The following RORA variants were observed in gnomAD, a reference collection of about 807,000 sequenced individuals.
RORA encodes RAR related orphan receptor A, also known as nuclear receptor ROR-alpha.
RORA carries 7 observed loss-of-function variants against 69.5 expected under a neutral mutation model. That is an observed-to-expected ratio of 0.10 (90% confidence interval 0.06 to 0.19). RORA has a LOEUF of 0.19. Among genes scored for constraint, RORA ranks in the 10% least tolerant of loss-of-function variants. The pLI is 1.00. For missense variants in RORA, 457 were observed against 663.0 expected, an observed-to-expected ratio of 0.69 and a Z score of 3.41; for synonymous variants, 261 against 240.8, an observed-to-expected ratio of 1.08 and a Z score of -0.78.
At chr15:60,731,500 A>C (rs1364377540) in intron 1 of RORA, among the ~76,000 whole-genome samples, 1 of 152,220 alleles carries the variant, frequency 6.6e-6, no homozygotes, top group Non-Finnish European at 1.5e-5. Flanking sequence ...AAAAAGTCAA[A>C]ACAGCAAGGA....
intron 1 of RORA, among the ~76,000 whole-genome samples, chr15:60,800,748 C>T (rs2072568113): frequency 6.6e-6 from 1 of 152,118 alleles, no homozygotes; most frequent in Admixed American, 6.5e-5. Context: ...CCTATTTATC[C>T]TCCAGGACCC....
At position 61,153,075 on chromosome 15, in the gene RORA, A is replaced by G. The variant is rs150372004; in HGVS notation, c.166+75978T>C. Among the ~76,000 whole-genome samples, 719 of 152,204 alleles carry G rather than the reference A, an allele frequency of 4.7e-3. 19 individuals carry two copies. The highest frequency in any genetic ancestry group is 0.04 in the Admixed American group (608 of 15,286). ...GGGGGAAAAGGTGTCCTGATTGATA[A>G]TCCTATCAGAAAAAAAGTCACGAGA... On this transcript the variant is annotated intron_variant, in intron 1 of 10. Transcript: ENST00000335670.
intron 2 of RORA, chr15:60,614,893 C>G: frequency 6.2e-7 from 1 of 1,611,378 alleles, no homozygotes; most frequent in Non-Finnish European, 8.5e-7. Flanking sequence ...AAATAACGCA[C>G]CTTTTCTCAA....
chr15:61,111,556 G>A (rs192585133), intron 1 of RORA, among the ~76,000 whole-genome samples: 1 of 152,030 alleles, frequency 6.6e-6, no homozygotes, highest in African/African-American at 2.4e-5. Context: ...TCTCTAATTT[G>A]CAATTATTCA....
chr15:60,784,167 T>A (rs376056886), intron 1 of RORA, among the ~76,000 whole-genome samples: 1 of 152,216 alleles, frequency 6.6e-6, no homozygotes, highest in East Asian at 1.9e-4. Context: ...TAAGATAATG[T>A]CCTTTCTATT....
rs752461832 is a variant in RORA, at chr15:60,841,009, G to A, written c.167-162323C>T. On this transcript the variant is annotated intron_variant, in intron 1 of 10. Transcript: ENST00000335670. The stretch of plus-strand genomic sequence containing the variant: ...CAATACCACCTCCTTCCTCGACAAC[G>A]ATACCTTACGGAAGCCAGAGAAATT... 1.1e-5 allele frequency: 9 copies of A among 790,832 alleles called. No homozygotes were observed. In the Admixed American group the frequency reaches 5.6e-4, roughly 49 times the overall value. 49.0% of individuals were successfully genotyped at this position (790,832 alleles called of 1,614,324 possible).
At chr15:61,158,815 T>C (rs539358314) in intron 1 of RORA, among the ~76,000 whole-genome samples, 2 of 152,290 alleles carry the variant, frequency 1.3e-5, no homozygotes, top group South Asian at 2.1e-4. Flanking sequence ...GAGTGAGTCA[T>C]TCTGAAGCAC....
rs564788301 is a variant in RORA at position 61,111,841 on chromosome 15, T to C, written c.166+117212A>G. On this transcript the variant is annotated intron_variant, in intron 1 of 10. Coordinates refer to ENST00000335670, the MANE Select transcript of RORA (RefSeq NM_134261.3). ...GCATGCTATTCATTAAGAAAATTCTTCCTAAGGACTATGAGTTTTAAATAT... is the reference window on the plus strand; with the variant it reads ...GCATGCTATTCATTAAGAAAATTCTCCCTAAGGACTATGAGTTTTAAATAT... 2.6e-5 allele frequency among the ~76,000 whole-genome samples: 4 copies of C among 152,326 alleles called. No homozygotes were observed. In the East Asian group the frequency reaches 7.7e-4, roughly 29 times the overall value.
intron 1 of RORA, among the ~76,000 whole-genome samples, chr15:61,135,207 T>C (rs1298077365): frequency 6.7e-6 from 1 of 149,280 alleles, no homozygotes; most frequent in African/African-American, 2.5e-5. Context: ...GGTACGTGCC[T>C]GCAGTCCCAA....
intron 1 of RORA, among the ~76,000 whole-genome samples, chr15:60,985,223 T>C (rs1012685851): frequency 1.3e-5 from 2 of 152,212 alleles, no homozygotes; most frequent in African/African-American, 4.8e-5. Context: ...GATCAGGAAA[T>C]GAATTAAAAT....
chr15:61,097,163 G>A (rs2078802751), intron 1 of RORA, among the ~76,000 whole-genome samples: 1 of 152,178 alleles, frequency 6.6e-6, no homozygotes, highest in African/African-American at 2.4e-5. Context: ...GCTTGTGGAG[G>A]AAGCAGGATT....
chr15:60,551,233 A>G (rs1382189531), intron 2 of RORA, among the ~76,000 whole-genome samples: 2 of 152,032 alleles, frequency 1.3e-5, no homozygotes, highest in East Asian at 3.9e-4. Context: ...TGTTTTGATA[A>G]TCTCATGTCT....
rs554509317 is a variant in RORA, at chr15:61,147,999, T to A, written c.166+81054A>T. Among the ~76,000 whole-genome samples, 1 of 152,276 alleles carries A rather than the reference T, an allele frequency of 6.6e-6. No homozygotes were observed. Among genetic ancestry groups the A allele is most frequent in the Admixed American group, 6.5e-5 (1 of 15,298 alleles). ...GAAACAAAGGGTGACAGAAACTGTT[T>A]TGCTTCCAGAAGGATCATTCTGGCA... On this transcript the variant is annotated intron_variant, in intron 1 of 10. Transcript: ENST00000335670. The surrounding 1 kb of genome is among the most constrained non-coding windows in gnomAD (Gnocchi z 4.1).
intron 2 of RORA, among the ~76,000 whole-genome samples, chr15:60,532,232 G>T (rs555419000): frequency 1.2e-3 from 188 of 152,268 alleles, no homozygotes; most frequent in Non-Finnish European, 2.4e-3. Context: ...ATCTGTCTTG[G>T]CTGAGCATTA....
At chr15:61,199,485 A>C (rs2079875936) in intron 1 of RORA, among the ~76,000 whole-genome samples, 1 of 152,182 alleles carries the variant, frequency 6.6e-6, no homozygotes, top group Non-Finnish European at 1.5e-5. Context: ...CAGGGAAAGA[A>C]AGAAAAATCC....
chr15:61,042,876 A>C lies in RORA; in HGVS notation c.166+186177T>G, dbSNP rs1896849070. The stretch of plus-strand genomic sequence containing the variant: ...CGGAAATAGAAACAGTAGCAAAGAC[A>C]CCCAGACTCTCCCCTTCTAAAGCAA... On this transcript the variant is annotated intron_variant, in intron 1 of 10. Transcript: ENST00000335670. 2.0e-5 allele frequency among the ~76,000 whole-genome samples: 3 copies of C among 152,178 alleles called. No individual in the cohort carries two copies. In the South Asian group the frequency reaches 6.2e-4, roughly 32 times the overall value.
intron 1 of RORA, among the ~76,000 whole-genome samples, chr15:61,092,897 C>A (rs1353262497): frequency 1.3e-5 from 2 of 152,098 alleles, no homozygotes; most frequent in African/African-American, 4.8e-5. Flanking sequence ...CTCCACAGTG[C>A]CTCTCTCCAG....
chr15:60,944,472 T>G (rs1892802019), intron 1 of RORA, among the ~76,000 whole-genome samples: 2 of 152,030 alleles, frequency 1.3e-5, no homozygotes, highest in Non-Finnish European at 2.9e-5. Flanking sequence ...ATCCCAGCAC[T>G]TTGGGAGGCT....
chr15:60,847,264 G>GA (rs2073276487), intron 1 of RORA, among the ~76,000 whole-genome samples: 1 of 151,938 alleles, frequency 6.6e-6, no homozygotes, highest in African/African-American at 2.4e-5. Context: ...ACGCAGAGGT[G>GA]AACTTAGATA....
Sources: gnomAD v4.1 joint callset for allele counts (sites outside exome capture counted in the v4.1 genomes callset) on GRCh38, gnomAD v4.1.1 for gene constraint, Gnocchi (gnomAD v3.1) non-coding constraint, MANE v1.5 for transcripts, NCBI Gene and HGNC (gene_info 2026-07-23, HGNC 2026-07-21) for gene names.